The following CFAP61 variants were observed in gnomAD, a reference collection of about 807,000 sequenced individuals.
CFAP61 encodes cilia and flagella associated protein 61.
In CFAP61, 107 loss-of-function variants were observed where a neutral mutation model predicts 135.6. The ratio of observed to expected loss-of-function variants is 0.79; its 90% CI spans 0.67 to 0.93. The LOEUF (loss-of-function observed/expected upper bound fraction) is 0.93. Ranked by LOEUF, CFAP61 falls within the 40% of genes least tolerant of loss-of-function variation. The pLI is 0.00. For missense variants in CFAP61, 1,507 were observed against 1,556.2 expected (o/e 0.97, Z 0.53); for synonymous variants, 575 against 578.5 (o/e 0.99, Z 0.09).
chr20:20,319,027 C>T (rs527934492), intron 25 of CFAP61, among the ~76,000 whole-genome samples: 9 of 152,284 alleles, frequency 5.9e-5, no homozygotes, highest in African/African-American at 9.6e-5. Context: ...AGGAAGGAGC[C>T]GGAGAAGACA....
At chr20:20,122,442 A>G (rs116833458) in intron 8 of CFAP61, among the ~76,000 whole-genome samples, 15,124 of 152,202 alleles carry the variant, frequency 0.099, 1,555 homozygotes, top group East Asian at 0.6. Flanking sequence ...GGCATAAGCT[A>G]TCATGCCTGG....
intron 9 of CFAP61, among the ~76,000 whole-genome samples, chr20:20,151,826 T>A: frequency 3.0e-4 from 1 of 3,324 alleles, no homozygotes; most frequent in Non-Finnish European, 2.1e-3. Flanking sequence ...CAAGACTCCG[T>A]CTCAAAAAAA....
At chr20:20,079,351 A>T (rs1568850507) in intron 6 of CFAP61, among the ~76,000 whole-genome samples, 1 of 152,198 alleles carries the variant, frequency 6.6e-6, no homozygotes, top group Admixed American at 6.5e-5. Context: ...CTTGAAGGGC[A>T]GAGTTTCACA....
At chr20:20,052,723 C>A in intron 1 of CFAP61, 132 bp downstream of exon 1, 1 of 1,602,922 alleles carries the variant, frequency 6.2e-7, no homozygotes, top group South Asian at 1.1e-5. Flanking sequence ...CCGTGGCGCC[C>A]TGCAAGGGAG....
At chr20:20,070,221 C>T (rs1336401886) in intron 2 of CFAP61, among the ~76,000 whole-genome samples, 1 of 152,206 alleles carries the variant, frequency 6.6e-6, no homozygotes, top group Non-Finnish European at 1.5e-5. Flanking sequence ...TTAAGCAAGA[C>T]CCCTGGGAGT....
At chr20:20,346,867 T>A (rs2058653200) in intron 26 of CFAP61, among the ~76,000 whole-genome samples, 1 of 152,186 alleles carries the variant, frequency 6.6e-6, no homozygotes, top group Non-Finnish European at 1.5e-5. Flanking sequence ...AGAAAATCAA[T>A]AAGGAAATAG....
At chr20:20,199,516 A>G (rs1266843860) in intron 16 of CFAP61, among the ~76,000 whole-genome samples, 3 of 152,200 alleles carry the variant, frequency 2.0e-5, no homozygotes, top group Non-Finnish European at 4.4e-5. Context: ...CCCATAAACC[A>G]AACCACTTGT....
At chr20:20,172,238 G>A in intron 13 of CFAP61, 6 of 980,992 alleles carry the variant, frequency 6.1e-6, no homozygotes, top group Non-Finnish European at 7.2e-6. Flanking sequence ...TGGGAAACAG[G>A]ACTGGGAATT....
chr20:20,069,339 G>C (rs1016803373), intron 2 of CFAP61, among the ~76,000 whole-genome samples: 3 of 152,204 alleles, frequency 2.0e-5, no homozygotes, highest in African/African-American at 7.2e-5. Flanking sequence ...GGAGTACAGT[G>C]GTGCGATCTC....
chr20:20,139,695 C>T (rs1012458551), intron 8 of CFAP61, among the ~76,000 whole-genome samples: 1 of 152,120 alleles, frequency 6.6e-6, no homozygotes, highest in Admixed American at 6.5e-5. Flanking sequence ...TAGGGATGAA[C>T]GTGGCAGCTG....
rs2045985876 is a variant in CFAP61, at chr20:20,075,486, T to C, written c.440-3T>C. The C allele has an allele frequency of 3.1e-6, 5 of 1,613,918 alleles. No homozygotes were observed. The highest frequency in any genetic ancestry group is 1.6e-4 in the Middle Eastern group (1 of 6,080). On this transcript the variant is annotated splice_region_variant and splice_polypyrimidine_tract_variant and intron_variant, in intron 5 of 26. Transcript: ENST00000245957. The stretch of plus-strand genomic sequence containing the variant: ...GACATGTTTCTTTATCTCTGTGATT[T>C]AGGCTCAACTCTCATAACTGTTTTT...
intron 25 of CFAP61, among the ~76,000 whole-genome samples, chr20:20,327,619 C>T (rs1020327948): frequency 1.3e-5 from 2 of 151,828 alleles, no homozygotes; most frequent in Admixed American, 6.6e-5. Flanking sequence ...TTACCTTCAG[C>T]TTTAGGTAAG....
chr20:20,144,081 C>G (rs1463300027), intron 9 of CFAP61, among the ~76,000 whole-genome samples: 2 of 152,230 alleles, frequency 1.3e-5, no homozygotes, highest in East Asian at 3.9e-4. Context: ...ATCTTTAAAG[C>G]AAGAACTAAA....
chr20:20,176,928 C>G (rs2054675378), intron 13 of CFAP61, among the ~76,000 whole-genome samples: 2 of 152,082 alleles, frequency 1.3e-5, no homozygotes, highest in South Asian at 2.1e-4. Context: ...TACAGATTTT[C>G]TATAAAACAT....
At chr20:20,260,901 G>A (rs2052128105) in intron 20 of CFAP61, among the ~76,000 whole-genome samples, 2 of 152,254 alleles carry the variant, frequency 1.3e-5, no homozygotes, top group South Asian at 2.1e-4. Context: ...TCAAAAGCCC[G>A]AAGCACAGTA....
intron 13 of CFAP61, among the ~76,000 whole-genome samples, chr20:20,183,144 T>C (rs1601242379): frequency 1.9e-5 from 1 of 52,260 alleles, no homozygotes; most frequent in African/African-American, 6.5e-5. Context: ...TCTGATTTTT[T>C]TTTCTTTTCT....
chr20:20,114,141 G>A (rs2048982275), intron 8 of CFAP61, among the ~76,000 whole-genome samples: 1 of 150,588 alleles, frequency 6.6e-6, no homozygotes, highest in South Asian at 2.1e-4. Flanking sequence ...ATGGTGACAT[G>A]TGCCTGTGGT....
intron 8 of CFAP61, among the ~76,000 whole-genome samples, chr20:20,105,915 A>G (rs1161669103): frequency 6.7e-6 from 1 of 149,750 alleles, no homozygotes; most frequent in Non-Finnish European, 1.5e-5. Flanking sequence ...CTGGGATTAC[A>G]GGCATGATGA....
intron 25 of CFAP61, among the ~76,000 whole-genome samples, chr20:20,319,696 T>C (rs565977613): frequency 6.6e-6 from 1 of 152,220 alleles, no homozygotes; most frequent in Non-Finnish European, 1.5e-5. Context: ...CAGTTTCTGG[T>C]CTTTCTTTAT....
Sources: allele counts gnomAD v4.1 joint callset (sites outside exome capture counted in the v4.1 genomes callset), GRCh38; gene constraint gnomAD v4.1.1; transcripts MANE v1.5; gene names NCBI Gene and HGNC (gene_info 2026-07-23, HGNC 2026-07-21).